TNC: variants seen among roughly 807,000 people sequenced by gnomAD.
The protein encoded by TNC is tenascin.
Under a neutral mutation model 202.4 loss-of-function variants are expected in TNC, and 109 were observed. That is an observed-to-expected ratio of 0.54 (90% CI 0.46 to 0.63). The LOEUF (loss-of-function observed/expected upper bound fraction) is 0.63, where lower values mean the gene tolerates loss of function less well. Ranked by LOEUF, TNC falls within the 30% of genes least tolerant of loss-of-function variation. The pLI is 0.00. For missense variants in TNC, 2,756 were observed against 2,833.3 expected, an observed-to-expected ratio of 0.97 and a Z score of 0.62; for synonymous variants, 1,007 against 1,089.7, an observed-to-expected ratio of 0.92 and a Z score of 1.50.
chr9:115,095,502 GTATATATATATGTA>G (rs1835610177), intron 1 of TNC, among the ~76,000 whole-genome samples: 4 of 30,758 alleles, frequency 1.3e-4, no homozygotes, highest in African/African-American at 8.6e-4. Flanking sequence ...GTATATATAT[GTATATATATATGTA>G]TATATATGTA....
intron 1 of TNC, among the ~76,000 whole-genome samples, chr9:115,099,582 T>TG (rs1484228626): frequency 2.0e-5 from 3 of 152,230 alleles, no homozygotes; most frequent in East Asian, 1.9e-4. Context: ...ATTGCCTGTC[T>TG]GGGCCTTAAT....
intron 1 of TNC, chr9:115,112,541 G>C (rs115296417): frequency 1.3e-5 from 2 of 152,128 alleles, no homozygotes; most frequent in South Asian, 2.1e-4. Flanking sequence ...TGGCTTAGAG[G>C]CTGCCCGTAA....
At chr9:115,055,449 G>A (rs1162133037) in intron 15 of TNC, 1 of 152,576 alleles carries the variant, frequency 6.6e-6, no homozygotes, top group Admixed American at 6.5e-5. Flanking sequence ...ATTCAATGAA[G>A]AGTGAAGAAG....
chr9:115,073,535 C>A (rs576572066), intron 10 of TNC, 68 bp downstream of exon 10: 1 of 1,553,182 alleles, frequency 6.4e-7, no homozygotes, highest in Admixed American at 1.8e-5. Flanking sequence ...GTGAGGACAC[C>A]CTGGCTGAGG....
chr9:115,097,321 G>A (rs1256931564), intron 1 of TNC, among the ~76,000 whole-genome samples: 2 of 152,168 alleles, frequency 1.3e-5, no homozygotes, highest in Non-Finnish European at 2.9e-5. Context: ...TTAAGCTACT[G>A]GCACAGTGCC....
Position 115,084,307 on chromosome 9 carries a change from ATGG to A in TNC, c.2030_2032del (p.Thr677del), listed in dbSNP as rs762244680. On this transcript the variant is annotated inframe_deletion, in exon 4 of 28. Coordinates refer to ENST00000350763, the MANE Select transcript of TNC (RefSeq NM_002160.4). ...CACACCAGGCTCCAGCTCCTGGATG[ATGG>A]TGGACGTCTGGTCCCCAGGCACACG... is the stretch of plus-strand genomic sequence containing the variant. 1 of 1,614,170 alleles carries A rather than the reference ATGG, an allele frequency of 6.2e-7. No homozygotes were observed. Among genetic ancestry groups the A allele is most frequent in the Non-Finnish European group, 8.5e-7 (1 of 1,180,028 alleles).
At chr9:115,066,648 A>G (rs1383483438) in intron 10 of TNC, among the ~76,000 whole-genome samples, 1 of 152,224 alleles carries the variant, frequency 6.6e-6, no homozygotes, top group East Asian at 1.9e-4. Flanking sequence ...CCCGAGGCCC[A>G]CATCTGGCCA....
chr9:115,040,889 G>T, intron 19 of TNC, 52 bp downstream of exon 19: 1 of 1,534,716 alleles, frequency 6.5e-7, no homozygotes. Context: ...ATGCACAAGT[G>T]ACCTCTGAAA....
Position 115,084,316 on chromosome 9 carries a change from G to A in TNC, c.2024C>T (p.Thr675Met), listed in dbSNP as rs746513686. The change falls in exon 4 of 28, where the codon ACG becomes ATG. Residue 675 changes from threonine (T) to methionine (M), a missense_variant. Thr to Met is a moderately conservative substitution (Grantham distance 81). This residue lies in a region of TNC where 2,559 missense variants were observed against 2,546.0 expected (regional missense o/e 1.01). Transcript: ENST00000350763. The stretch of plus-strand genomic sequence containing the variant: ...CTCCAGCTCCTGGATGATGGTGGAC[G>A]TCTGGTCCCCAGGCACACGGAACTG... ...EMQFRVPGDQTSTIIQELEPG... is the reference protein window; with the variant it reads ...EMQFRVPGDQMSTIIQELEPG... 8.1e-6 allele frequency: 13 copies of A among 1,614,038 alleles called. No individual in the cohort carries two copies. The East Asian group carries it at 1.3e-4, about 17-fold the overall frequency.
chr9:115,098,746 A>G (rs1835983471), intron 1 of TNC, among the ~76,000 whole-genome samples: 1 of 152,182 alleles, frequency 6.6e-6, no homozygotes, highest in Non-Finnish European at 1.5e-5. Flanking sequence ...GAGGCAGCTT[A>G]CACCAAATTT....
chr9:115,088,913 C>T (rs1405267318), intron 2 of TNC, among the ~76,000 whole-genome samples: 1 of 151,796 alleles, frequency 6.6e-6, no homozygotes, highest in South Asian at 2.1e-4. Context: ...GCTGAAAAAC[C>T]AATATTTTGG....
chr9:115,061,406 C>T (rs1337954390), intron 13 of TNC, among the ~76,000 whole-genome samples: 1 of 152,074 alleles, frequency 6.6e-6, no homozygotes, highest in African/African-American at 2.4e-5. Flanking sequence ...TAGTAGGGTT[C>T]CTTGGAAGAT....
intron 15 of TNC, among the ~76,000 whole-genome samples, chr9:115,056,482 T>C (rs1370666823): frequency 6.6e-6 from 1 of 152,242 alleles, no homozygotes; most frequent in Non-Finnish European, 1.5e-5. Flanking sequence ...TCTTTTGTTT[T>C]TTAAACTAAG....
rs142893638 is a variant in TNC, at chr9:115,104,809, G to C, written c.-137+13173C>G. 8.5e-5 allele frequency among the ~76,000 whole-genome samples: 13 copies of C among 152,286 alleles called. No individual in the cohort carries two copies. The East Asian group carries it at 2.5e-3, about 29-fold the overall frequency. On this transcript the variant is annotated intron_variant, in intron 1 of 27. Transcript: ENST00000350763. ...ACTGGTTAAGAAGTAGAATTGGTTT[G>C]GGATCAATTATGTTTCAACTCAAAG...
intron 15 of TNC, among the ~76,000 whole-genome samples, chr9:115,052,529 TGTTA>T (rs1831776378): frequency 6.6e-6 from 1 of 151,792 alleles, no homozygotes; most frequent in African/African-American, 2.4e-5. Flanking sequence ...GTGATTGATA[TGTTA>T]ATTAGGTTGA....
At chr9:115,087,833 C>G (rs924583842) in intron 2 of TNC, among the ~76,000 whole-genome samples, 1 of 151,528 alleles carries the variant, frequency 6.6e-6, no homozygotes, top group African/African-American at 2.4e-5. Flanking sequence ...TCCTGAGTAG[C>G]TGGGACTCCA....
At chr9:115,084,101 T>C in intron 4 of TNC, 108 bp downstream of exon 4, 1 of 1,215,136 alleles carries the variant, frequency 8.2e-7, no homozygotes, top group South Asian at 1.5e-5. Flanking sequence ...TTATTTGGTA[T>C]AACTGTAAAG....
In TNC at chr9:115,044,625, C is replaced by T. The variant is rs569222229; in HGVS notation, c.5125+1785G>A. The stretch of plus-strand genomic sequence containing the variant: ...GAAAAAAAAGATCAGCAAAACAAAT[C>T]AATGATCAGAAGAAGTAAACTTCGA... On this transcript the variant is annotated intron_variant, in intron 17 of 27. Coordinates refer to ENST00000350763, the MANE Select transcript of TNC (RefSeq NM_002160.4). Among the ~76,000 whole-genome samples the T allele has an allele frequency of 1.3e-3, 202 of 152,096 alleles. 1 individual carries two copies. The highest frequency in any genetic ancestry group is 4.6e-3 in the African/African-American group (190 of 41,482).
rs1236829592 is a variant in TNC at position 115,042,321 on chromosome 9, C to T, written c.5146G>A (p.Val1716Ile). ...ATTAMGSPKE[V>I]IFSDITENSA... ...TTTTCAGTGATGTCTGAGAAAATGA[C>T]TTCCTTTGGGGAGCCCATGGCTGTC... is the stretch of plus-strand genomic sequence containing the variant. Residue 1716 changes from valine (V) to isoleucine (I), a missense_variant, in exon 18 of 28, where the codon GTC becomes ATC. Around this residue, in one of 2 missense-constraint regions of TNC, gnomAD observed 2,559 missense variants for 2,546.0 expected, o/e 1.01. Transcript: ENST00000350763. 1.9e-6 allele frequency: 3 copies of T among 1,614,090 alleles called. No homozygotes were observed. The highest frequency in any genetic ancestry group is 2.2e-5 in the East Asian group (1 of 44,872).
Sources: gnomAD v4.1 joint callset for allele counts (sites outside exome capture counted in the v4.1 genomes callset) on GRCh38, gnomAD v4.1.1 for gene constraint, gnomAD v4.1.1 regional missense constraint, MANE v1.5 for transcripts, NCBI Gene and HGNC (gene_info 2026-07-23, HGNC 2026-07-21) for gene names.